FHOD3: variants seen among roughly 807,000 people sequenced by gnomAD.
The protein encoded by FHOD3 is FH1/FH2 domain-containing protein 3.
A neutral mutation model predicts 173.0 loss-of-function variants in FHOD3; 90 were observed. That is an observed-to-expected ratio of 0.52 (90% confidence interval 0.44 to 0.62). FHOD3 has a LOEUF of 0.62. Ranked by LOEUF, FHOD3 falls within the 20% of genes least tolerant of loss-of-function variation. The pLI is 0.00. For synonymous variants in FHOD3, 828 were observed against 823.0 expected (o/e 1.01, Z -0.10); for missense variants, 1,945 against 2,034.7 (o/e 0.96, Z 0.85).
At chr18:36,635,138 A>C (rs2034793079) in intron 10 of FHOD3, among the ~76,000 whole-genome samples, 1 of 152,122 alleles carries the variant, frequency 6.6e-6, no homozygotes, top group South Asian at 2.1e-4. Flanking sequence ...AGGCTGGGAG[A>C]GTGGGCTTGG....
chr18:36,624,456 CA>C (rs2033941896), intron 9 of FHOD3, among the ~76,000 whole-genome samples: 1 of 152,064 alleles, frequency 6.6e-6, no homozygotes, highest in African/African-American at 2.4e-5. Flanking sequence ...GTAGGCATAA[CA>C]ATTAGAGGCC....
chr18:36,404,498 T>G (rs541631334), intron 3 of FHOD3, among the ~76,000 whole-genome samples: 1 of 152,322 alleles, frequency 6.6e-6, no homozygotes, highest in Non-Finnish European at 1.5e-5. Context: ...ATAGTATGCA[T>G]GCATATGGCC....
At chr18:36,686,875 T>A (rs2038654336) in intron 15 of FHOD3, among the ~76,000 whole-genome samples, 1 of 152,226 alleles carries the variant, frequency 6.6e-6, no homozygotes, top group Non-Finnish European at 1.5e-5. Context: ...CAACAAGTAA[T>A]TAGTAGTGTT....
At chr18:36,449,109 C>CT (rs1394773789) in intron 3 of FHOD3, among the ~76,000 whole-genome samples, 3 of 152,030 alleles carry the variant, frequency 2.0e-5, no homozygotes, top group African/African-American at 7.2e-5. Flanking sequence ...CAGTTAATCC[C>CT]TAATAGTAGA....
At chr18:36,415,719 TAAAAG>T (rs2049604595) in intron 3 of FHOD3, among the ~76,000 whole-genome samples, 1 of 152,360 alleles carries the variant, frequency 6.6e-6, no homozygotes, top group African/African-American at 2.4e-5. Flanking sequence ...TCTCAAATCT[TAAAAG>T]AAATGCCAAA....
At chr18:36,758,980 G>T (rs945474602) in intron 25 of FHOD3, 138 bp from the exon 26 acceptor site, 4 of 902,030 alleles carry the variant, frequency 4.4e-6, no homozygotes, top group Admixed American at 2.0e-5. Flanking sequence ...AACTCAAGAG[G>T]ATGTATCCTG....
rs201591534 is a variant in FHOD3 at position 36,410,127 on chromosome 18, C to CA, written c.337+37391dup. 5.0e-3 allele frequency among the ~76,000 whole-genome samples: 763 copies of CA among 151,932 alleles called. 4 individuals carry two copies. Among genetic ancestry groups the CA allele is most frequent in the African/African-American group, 0.014 (574 of 41,438 alleles). ...AATTTTAGGACATTTTCATCATCCT[C>CA]AAAAAAAACACCACACCTATTCACA... On this transcript the variant is annotated intron_variant, in intron 3 of 28. Coordinates refer to ENST00000590592, the MANE Select transcript of FHOD3 (RefSeq NM_001281740.3).
At chr18:36,472,695 T>A (rs1187867088) in intron 3 of FHOD3, among the ~76,000 whole-genome samples, 1 of 152,236 alleles carries the variant, frequency 6.6e-6, no homozygotes, top group East Asian at 1.9e-4. Context: ...CTTCTTCCAC[T>A]TAACATAGTG....
Position 36,709,078 on chromosome 18 carries a change from ATTG to A in FHOD3, c.2237-12_2237-10del. The A allele has an allele frequency of 6.2e-7, 1 of 1,609,686 alleles. No individual in the cohort carries two copies. Among genetic ancestry groups the A allele is most frequent in the Non-Finnish European group, 8.5e-7 (1 of 1,176,790 alleles). On this transcript the variant is annotated splice_polypyrimidine_tract_variant and intron_variant, in intron 17 of 28. Transcript: ENST00000590592. Reference sequence around the variant, plus strand: ...GAAATCTGTCGTCAATATAATCTCCATTGTTGTCTCCACCAGCAAGTGCCGGGG... The same window carrying A: ...GAAATCTGTCGTCAATATAATCTCCATTGTCTCCACCAGCAAGTGCCGGGG...
At chr18:36,372,842 G>T (rs986083301) in intron 3 of FHOD3, 98 bp downstream of exon 3, 3 of 1,002,582 alleles carry the variant, frequency 3.0e-6, no homozygotes, top group African/African-American at 3.2e-5. Flanking sequence ...GTTTGCACTA[G>T]CCCCTATCAT....
intron 14 of FHOD3, among the ~76,000 whole-genome samples, chr18:36,663,986 G>A (rs1427795801): frequency 6.6e-6 from 1 of 151,966 alleles, no homozygotes; most frequent in African/African-American, 2.4e-5. Context: ...TTCTACTTGG[G>A]TTTTTGAATG....
At position 36,671,839 on chromosome 18, in the gene FHOD3, A is replaced by G; in HGVS notation, c.1836-9597A>G. The stretch of plus-strand genomic sequence containing the variant: ...CTTCTGATGTGTTCCCAAAGGCAAC[A>G]AGGGAGTAAGCCGTGCCAGAAACAA... On this transcript the variant is annotated intron_variant, in intron 14 of 28. Coordinates refer to ENST00000590592, the MANE Select transcript of FHOD3 (RefSeq NM_001281740.3). Among the ~76,000 whole-genome samples the G allele has an allele frequency of 1.3e-5, 2 of 152,214 alleles. 1 individual carries two copies. Among genetic ancestry groups the G allele is most frequent in the Non-Finnish European group, 2.9e-5 (2 of 68,042 alleles).
At chr18:36,402,544 C>CAT (rs772627690) in intron 3 of FHOD3, among the ~76,000 whole-genome samples, 3 of 150,876 alleles carry the variant, frequency 2.0e-5, no homozygotes, top group South Asian at 2.1e-4. Context: ...CACACACACA[C>CAT]ATATGAAAAT....
intron 1 of FHOD3, among the ~76,000 whole-genome samples, chr18:36,314,219 T>A (rs1021883121): frequency 3.9e-5 from 6 of 152,240 alleles, no homozygotes; most frequent in African/African-American, 1.4e-4. Context: ...GTCCCCTGCC[T>A]CATGGCCTCA....
Position 36,582,911 on chromosome 18 carries a change from G to A in FHOD3, c.606+6366G>A, listed in dbSNP as rs558957861. Among the ~76,000 whole-genome samples, 13 of 152,264 alleles carry A rather than the reference G, an allele frequency of 8.5e-5. No homozygotes were observed. The South Asian group carries it at 1.9e-3, about 22-fold the overall frequency. ...AGTTTCTTCCATTCTGCGTGTCTGCGATTGATTGATTCACGTTTAAATTCA... is the reference window on the plus strand; with the variant it reads ...AGTTTCTTCCATTCTGCGTGTCTGCAATTGATTGATTCACGTTTAAATTCA... On this transcript the variant is annotated intron_variant, in intron 6 of 28. Coordinates refer to ENST00000590592, the MANE Select transcript of FHOD3 (RefSeq NM_001281740.3).
chr18:36,425,553 A>C (rs1342711802), intron 3 of FHOD3, among the ~76,000 whole-genome samples: 1 of 152,240 alleles, frequency 6.6e-6, no homozygotes, highest in East Asian at 1.9e-4. Context: ...CATGAATATA[A>C]GGTTATGTTC....
chr18:36,554,801 G>T (rs954067375), intron 5 of FHOD3, among the ~76,000 whole-genome samples: 35 of 152,040 alleles, frequency 2.3e-4, no homozygotes, highest in Admixed American at 2.0e-3. Flanking sequence ...CTTGAATGAG[G>T]CTTTGTTATT....
intron 14 of FHOD3, among the ~76,000 whole-genome samples, chr18:36,659,879 T>A (rs963581640): frequency 3.9e-5 from 6 of 152,164 alleles, no homozygotes; most frequent in African/African-American, 1.4e-4. Flanking sequence ...AGATCCAGGA[T>A]CCTGAAGGAC....
intron 3 of FHOD3, among the ~76,000 whole-genome samples, chr18:36,437,638 T>C (rs917492737): frequency 6.6e-6 from 1 of 151,616 alleles, no homozygotes; most frequent in Non-Finnish European, 1.5e-5. Context: ...TGGGAAGCAC[T>C]GCATTGAGCT....
Sources: allele counts gnomAD v4.1 joint callset (sites outside exome capture counted in the v4.1 genomes callset), GRCh38; gene constraint gnomAD v4.1.1; transcripts MANE v1.5; gene names NCBI Gene and HGNC (gene_info 2026-07-23, HGNC 2026-07-21).